CAPN9: variants seen among roughly 807,000 people sequenced by gnomAD.
CAPN9 encodes the protein calpain-9.
A neutral mutation model predicts 92.8 loss-of-function variants in CAPN9; 81 were observed. The ratio of observed to expected loss-of-function variants is 0.87; its 90% CI spans 0.73 to 1.05. CAPN9 has a LOEUF of 1.05. Among genes scored for constraint, CAPN9 ranks in the 50% least tolerant of loss-of-function variants. The pLI is 0.00. For synonymous variants in CAPN9, 304 were observed against 328.0 expected, an observed-to-expected ratio of 0.93 and a Z score of 0.79; for missense variants, 848 against 866.2, an observed-to-expected ratio of 0.98 and a Z score of 0.26.
At chr1:230,764,065 C>T (rs1385445169) in intron 4 of CAPN9, among the ~76,000 whole-genome samples, 3 of 151,600 alleles carry the variant, frequency 2.0e-5, no homozygotes, top group African/African-American at 7.3e-5. Flanking sequence ...CAGAACAGCT[C>T]ACCAAAAAAA....
At chr1:230,759,253 A>G (rs1407541401) in intron 2 of CAPN9, among the ~76,000 whole-genome samples, 2 of 152,232 alleles carry the variant, frequency 1.3e-5, no homozygotes, top group Admixed American at 1.3e-4. Context: ...TCAGGCAGCC[A>G]TATGTCTGAA....
At position 230,780,720 on chromosome 1, in the gene CAPN9, G is replaced by A. The variant is rs1420058419; in HGVS notation, c.1481+12G>A. ...AAAGCCATTACCCGGTGAGTCAGAGGAACAGCTTCCAGAATCCCACTTCTT... is the reference window on the plus strand; with the variant it reads ...AAAGCCATTACCCGGTGAGTCAGAGAAACAGCTTCCAGAATCCCACTTCTT... On this transcript the variant is annotated intron_variant, in intron 11 of 19. Coordinates refer to ENST00000271971, the MANE Select transcript of CAPN9 (RefSeq NM_006615.3). 1 of 1,609,534 alleles carries A rather than the reference G, an allele frequency of 6.2e-7. No homozygotes were observed. Among genetic ancestry groups the A allele is most frequent in the African/African-American group, 1.3e-5 (1 of 74,760 alleles).
At chr1:230,798,479 C>A (rs1323959717) in intron 19 of CAPN9, among the ~76,000 whole-genome samples, 3 of 152,344 alleles carry the variant, frequency 2.0e-5, no homozygotes, top group East Asian at 3.9e-4. Context: ...AGATTAATCA[C>A]CTTGACTTGA....
At chr1:230,753,107 C>T (rs553304863) in intron 1 of CAPN9, among the ~76,000 whole-genome samples, 6 of 152,194 alleles carry the variant, frequency 3.9e-5, no homozygotes, top group African/African-American at 1.4e-4. Context: ...AAGCCAGGAC[C>T]CCAGAACTGA....
At chr1:230,794,279 T>G (rs1668193688) in intron 17 of CAPN9, among the ~76,000 whole-genome samples, 1 of 152,016 alleles carries the variant, frequency 6.6e-6, no homozygotes, top group South Asian at 2.1e-4. Flanking sequence ...GTCAGGAGTT[T>G]GAGATCAGCC....
At chr1:230,780,062 G>A (rs1035812433) in intron 9 of CAPN9, 117 bp from the exon 10 acceptor site, 3 of 743,536 alleles carry the variant, frequency 4.0e-6, no homozygotes, top group Non-Finnish European at 2.2e-6. Flanking sequence ...CATATAATGA[G>A]GGCAGATAGG....
chr1:230,764,806 G>T (rs534617459), intron 4 of CAPN9, among the ~76,000 whole-genome samples: 1 of 152,344 alleles, frequency 6.6e-6, no homozygotes, highest in East Asian at 1.9e-4. Flanking sequence ...GCAAGGGGAG[G>T]AGGCCAGAAT....
chr1:230,783,769 T>C (rs2102906415), intron 11 of CAPN9, among the ~76,000 whole-genome samples: 1 of 152,272 alleles, frequency 6.6e-6, no homozygotes, highest in East Asian at 1.9e-4. Context: ...AATGTGGAAG[T>C]GACTTTGGAA....
intron 3 of CAPN9, among the ~76,000 whole-genome samples, 199 bp from the exon 4 acceptor site, chr1:230,762,454 T>C (rs1029533215): frequency 1.3e-5 from 2 of 152,238 alleles, no homozygotes; most frequent in African/African-American, 4.8e-5. Flanking sequence ...CAATGGTTAG[T>C]GCTGGGTGGA....
At chr1:230,800,477 T>C (rs1668662809) in intron 19 of CAPN9, among the ~76,000 whole-genome samples, 1 of 151,962 alleles carries the variant, frequency 6.6e-6, no homozygotes, top group South Asian at 2.1e-4. Context: ...AGTCAAAGGC[T>C]CCAGAGCACC....
intron 8 of CAPN9, among the ~76,000 whole-genome samples, chr1:230,777,273 T>C (rs28359674): frequency 1.0e-3 from 156 of 152,010 alleles, no homozygotes; most frequent in African/African-American, 3.6e-3. Flanking sequence ...AGAGCGTCCA[T>C]GTGAGTGATC....
chr1:230,770,917 G>A (rs1558096515), intron 6 of CAPN9, among the ~76,000 whole-genome samples: 1 of 152,326 alleles, frequency 6.6e-6, no homozygotes, highest in East Asian at 1.9e-4. Context: ...CTGGAGCCAA[G>A]GTGTGAGACG....
At position 230,769,698 on chromosome 1, in the gene CAPN9, C is replaced by A. The variant is rs992912240; in HGVS notation, c.789+435C>A. ...CTATCTATCTACATCACACAGTTGA[C>A]CCTTGAGCAACACAGGCTTGAACTT... On this transcript the variant is annotated intron_variant, in intron 6 of 19. Transcript: ENST00000271971. Among the ~76,000 whole-genome samples, 5 of 151,570 alleles carry A rather than the reference C, an allele frequency of 3.3e-5. No individual in the cohort carries two copies. The South Asian group carries it at 1.0e-3, about 32-fold the overall frequency.
intron 14 of CAPN9, 140 bp from the exon 15 acceptor site, chr1:230,791,724 C>T (rs1324815498): frequency 3.4e-6 from 2 of 589,974 alleles, no homozygotes; most frequent in Non-Finnish European, 6.1e-6. Flanking sequence ...AACTTCTACT[C>T]CTACCAGCAT....
chr1:230,770,265 G>A (rs944890723), intron 6 of CAPN9, among the ~76,000 whole-genome samples: 1 of 152,214 alleles, frequency 6.6e-6, no homozygotes, highest in Non-Finnish European at 1.5e-5. Context: ...AAAAGTCCCA[G>A]TCTGAGGGCA....
chr1:230,754,212 CTT>C (rs892057040), intron 1 of CAPN9, among the ~76,000 whole-genome samples: 2 of 152,110 alleles, frequency 1.3e-5, no homozygotes, highest in African/African-American at 4.8e-5. Context: ...TTCCCTCTCT[CTT>C]TGTTGTCGTC....
rs768658275 is a variant in CAPN9 at position 230,780,572 on chromosome 1, T to C, written c.1345T>C (p.Phe449Leu). 2 of 1,614,192 alleles carry C rather than the reference T, an allele frequency of 1.2e-6. No individual in the cohort carries two copies. The highest frequency in any genetic ancestry group is 1.7e-6 in the Non-Finnish European group (2 of 1,180,026). ...YHASRARSKT[F>L]INLREVSDRF... ...CGCTTCTCGGGCCAGAAGCAAGACG[T>C]TCATCAACCTGAGAGAAGTCTCCGA... is the stretch of plus-strand genomic sequence containing the variant. Residue 449 changes from phenylalanine to leucine, a missense_variant, in exon 11 of 20, where the codon TTC (phenylalanine) becomes CTC (leucine). Physicochemically the swap from Phe to Leu is conservative, Grantham distance 22. Coordinates refer to ENST00000271971, the MANE Select transcript of CAPN9 (RefSeq NM_006615.3).
In CAPN9 at chr1:230,795,253, G is replaced by T. The variant is rs1553265700; in HGVS notation, c.1961G>T (p.Cys654Phe). The T allele has an allele frequency of 6.2e-7, 1 of 1,611,846 alleles. No homozygotes were observed. The change falls in exon 18 of 20, where the codon TGC becomes TTC. Residue 654 changes from cysteine to phenylalanine, a missense_variant. Physicochemically the swap from Cys to Phe is radical, Grantham distance 205. Transcript: ENST00000271971. ...LQLDFDDFLN[C>F]LVRLENASRV... ...CTGGACTTCGATGACTTCCTCAACT[G>T]CCTGGTCCGGCTGGAGAATGCGAGC...
chr1:230,784,920 C>T (rs1472696052), intron 11 of CAPN9, among the ~76,000 whole-genome samples: 1 of 152,214 alleles, frequency 6.6e-6, no homozygotes, highest in East Asian at 1.9e-4. Flanking sequence ...CTCAACAACC[C>T]ATGACAGCAG....
Sources: allele counts gnomAD v4.1 joint callset (sites outside exome capture counted in the v4.1 genomes callset), GRCh38; gene constraint gnomAD v4.1.1; transcripts MANE v1.5; gene names NCBI Gene and HGNC (gene_info 2026-07-23, HGNC 2026-07-21).